CRIP3: variants seen among roughly 807,000 people sequenced by gnomAD.
The protein encoded by CRIP3 is cysteine-rich protein 3.
Under a neutral mutation model 30.3 loss-of-function variants are expected in CRIP3, and 23 were observed. The ratio of observed to expected loss-of-function variants is 0.76; its 90% confidence interval spans 0.55 to 1.08. The LOEUF is 1.08. CRIP3 is among the 50% of genes least tolerant of loss of function. The probability of loss-of-function intolerance (pLI) is 0.00; values close to 1 mark genes in which losing one functional copy is unlikely to be tolerated. For synonymous variants in CRIP3, 89 were observed against 97.6 expected (o/e 0.91, Z 0.52); for missense variants, 261 against 259.3 (o/e 1.01, Z -0.04).
At chr6:43,308,086 A>C (rs1168967224) in intron 2 of CRIP3, among the ~76,000 whole-genome samples, 190 bp from the exon 3 acceptor site, 1 of 152,142 alleles carries the variant, frequency 6.6e-6, no homozygotes, top group Non-Finnish European at 1.5e-5. Context: ...AGAGCAGCTC[A>C]GAAGGTGACG....
rs1778995188 is a variant in CRIP3, at chr6:43,308,574, C to G, written c.44-165G>C. On this transcript the variant is annotated intron_variant, in intron 1 of 7. Coordinates refer to ENST00000372569, the MANE Select transcript of CRIP3 (RefSeq NM_206922.3). ...TCCCGCTCCGGTTTCACACTCCCCA[C>G]AGAGCTCTCAGAGGAAGGGAGAAGA... The G allele has an allele frequency of 6.5e-6, 6 of 921,288 alleles. No individual in the cohort carries two copies. The Admixed American group carries it at 1.3e-4, about 20-fold the overall frequency. The allele number at this position is 921,288 out of a possible 1,614,324, so 57.1% of individuals were successfully genotyped here.
intron 5 of CRIP3, 38 bp downstream of exon 5, chr6:43,306,408 C>T: frequency 6.2e-7 from 1 of 1,610,470 alleles, no homozygotes; most frequent in Non-Finnish European, 8.5e-7. Flanking sequence ...TGCTGCCCAC[C>T]CTGTATCCCC....
intron 7 of CRIP3, 27 bp downstream of exon 7, chr6:43,306,039 TC>T (rs1269828575): frequency 3.7e-5 from 60 of 1,610,152 alleles, no homozygotes; most frequent in Non-Finnish European, 4.8e-5. Context: ...GTACATGCCA[TC>T]CCAGTGTCTG....
chr6:43,307,511 G>A, intron 4 of CRIP3, 101 bp downstream of exon 4: 1 of 1,132,370 alleles, frequency 8.8e-7, no homozygotes, highest in Non-Finnish European at 1.2e-6. Flanking sequence ...GTGAGAATGT[G>A]AAGCAGAGGG....
In CRIP3 at chr6:43,305,851, C is replaced by G; in HGVS notation, c.578G>C (p.Cys193Ser). Residue 193 changes from cysteine to serine, a missense_variant, in exon 8 of 8, where the codon TGC (cysteine) becomes TCC (serine). Cys to Ser is a moderately radical substitution (Grantham distance 112). Coordinates refer to ENST00000372569, the MANE Select transcript of CRIP3 (RefSeq NM_206922.3). The part of the protein sequence containing the change: ...PKGVNIGDVG[C>S]YIYDPVKIKF... ...TATCTTCACTGGGTCATAGATGTAG[C>G]AGCCCACATCGCCAATGTTCACACC... The G allele has an allele frequency of 6.2e-7, 1 of 1,614,148 alleles. No homozygotes were observed. Among genetic ancestry groups the G allele is most frequent in the Non-Finnish European group, 8.5e-7 (1 of 1,180,038 alleles).
Position 43,305,657 on chromosome 6 carries a change from A to G in CRIP3, c.*157T>C. On this transcript the variant is annotated 3_prime_UTR_variant, in exon 8 of 8. Coordinates refer to ENST00000372569, the MANE Select transcript of CRIP3 (RefSeq NM_206922.3). ...GGGAAAGGGAAAAAATTGGCAGAGAAAGTCTAGACTCTCTGGCCTACCATG... is the reference window on the plus strand; with the variant it reads ...GGGAAAGGGAAAAAATTGGCAGAGAGAGTCTAGACTCTCTGGCCTACCATG... The G allele has an allele frequency of 1.1e-6, 1 of 895,482 alleles. No homozygotes were observed. The highest frequency in any genetic ancestry group is 1.8e-6 in the Non-Finnish European group (1 of 571,138). 55.5% of individuals were successfully genotyped at this position (895,482 alleles called of 1,614,324 possible).
chr6:43,305,625 T>C lies in CRIP3; in HGVS notation c.*189A>G, dbSNP rs1778908418. ...CAAAACGGGCTGTTCCCTAACCAGA[T>C]AGAAATGGGAAAGGGAAAAAATTGG... On this transcript the variant is annotated 3_prime_UTR_variant, in exon 8 of 8. Coordinates refer to ENST00000372569, the MANE Select transcript of CRIP3 (RefSeq NM_206922.3). 1.4e-6 allele frequency: 1 copy of C among 703,572 alleles called. No individual in the cohort carries two copies. The highest frequency in any genetic ancestry group is 2.4e-6 in the Non-Finnish European group (1 of 414,018). 43.6% of individuals were successfully genotyped at this position (703,572 alleles called of 1,614,324 possible).
intron 1 of CRIP3, 30 bp from the exon 2 acceptor site, chr6:43,308,439 G>C: frequency 6.3e-7 from 1 of 1,590,992 alleles, no homozygotes; most frequent in Non-Finnish European, 8.6e-7. Context: ...ACCGAGCTGC[G>C]AGGAGCCTGT....
Position 43,307,554 on chromosome 6 carries a change from C to T in CRIP3, c.328+58G>A, listed in dbSNP as rs144504876. ...GGAGACTGCCACCTGGCCCAACCTC[C>T]GCTCCAGCTTGGGGAAGGGTCGGGA... On this transcript the variant is annotated intron_variant, in intron 4 of 7. Coordinates refer to ENST00000372569, the MANE Select transcript of CRIP3 (RefSeq NM_206922.3). The T allele has an allele frequency of 4.3e-4, 587 of 1,376,616 alleles. 2 individuals are homozygous for T. The African/African-American group carries it at 7.2e-3, about 17-fold the overall frequency. The allele number at this position is 1,376,616 out of a possible 1,614,324, so 85.3% of individuals were successfully genotyped here. A position where few individuals can be genotyped will look rare whatever the true frequency, so the allele number is the denominator to read the frequency against.
chr6:43,308,488 A>G, intron 1 of CRIP3, 79 bp from the exon 2 acceptor site: 1 of 1,310,552 alleles, frequency 7.6e-7, no homozygotes, highest in Non-Finnish European at 1.1e-6. Context: ...TCGGCCCTCT[A>G]GGGAATTAGG....
chr6:43,305,948 G>A (rs778752973), intron 7 of CRIP3, 73 bp from the exon 8 acceptor site: 3 of 1,610,900 alleles, frequency 1.9e-6, no homozygotes, highest in Admixed American at 3.4e-5. Flanking sequence ...GGAACTTGGT[G>A]GGGGGGCCAG....
At position 43,306,237 on chromosome 6, in the gene CRIP3, A is replaced by G; in HGVS notation, c.477T>C (p.Thr159=). 1 of 1,614,160 alleles carries G rather than the reference A, an allele frequency of 6.2e-7. No individual in the cohort carries two copies. Among genetic ancestry groups the G allele is most frequent in the Non-Finnish European group, 8.5e-7 (1 of 1,180,024 alleles). ...TGCTCACCTCAGCATGACTCCCAGC[A>G]GTCAGGGTCTTGTGGCAACGCTGGC... ...LRCQRCHKTL[T]AGSHAEHDGV... The change falls in exon 6 of 8, where the codon ACT becomes ACC. Residue 159 remains threonine, a synonymous_variant. Coordinates refer to ENST00000372569, the MANE Select transcript of CRIP3 (RefSeq NM_206922.3).
At position 43,306,126 on chromosome 6, in the gene CRIP3, T is replaced by A; in HGVS notation, c.496-2A>T. ...GTGGCAGTAGGGGACTCCATCATGCTGAGACACAGAGAGAAAGAGAGCTGT... is the reference window on the plus strand; with the variant it reads ...GTGGCAGTAGGGGACTCCATCATGCAGAGACACAGAGAGAAAGAGAGCTGT... On this transcript the variant is annotated splice_acceptor_variant, in intron 6 of 7. Coordinates refer to ENST00000372569, the MANE Select transcript of CRIP3 (RefSeq NM_206922.3). LOFTEE classifies it high-confidence loss of function. 1 of 1,613,980 alleles carries A rather than the reference T, an allele frequency of 6.2e-7. No homozygotes were observed. Among genetic ancestry groups the A allele is most frequent in the South Asian group, 1.1e-5 (1 of 91,080 alleles).
intron 7 of CRIP3, 21 bp downstream of exon 7, chr6:43,306,046 G>A (rs368241763): frequency 6.2e-7 from 1 of 1,610,598 alleles, no homozygotes; most frequent in Non-Finnish European, 8.5e-7. Flanking sequence ...CCATCCCAGT[G>A]TCTGGGATGG....
intron 1 of CRIP3, 22 bp downstream of exon 1, chr6:43,308,728 C>A (rs888008920): frequency 2.5e-6 from 4 of 1,613,872 alleles, no homozygotes; most frequent in Non-Finnish European, 3.4e-6. Context: ...CATCTTCTCC[C>A]CCTCCGCAGC....
In CRIP3 at chr6:43,308,764, T is replaced by C. The variant is rs1779000089; in HGVS notation, c.29A>G (p.Gln10Arg). MSWTCPRCQ[Q>R]PVFFAEKVSS... Reference sequence around the variant, plus strand: ...CCGGGCCTCACCGAAGAAAACAGGTTGCTGGCAACGCGGACAGGTCCAGCT... The same window carrying C: ...CCGGGCCTCACCGAAGAAAACAGGTCGCTGGCAACGCGGACAGGTCCAGCT... The change falls in exon 1 of 8, where the codon CAA (glutamine) becomes CGA (arginine). Residue 10 changes from glutamine (Q) to arginine (R), a missense_variant. Gln to Arg is a conservative substitution (Grantham distance 43, BLOSUM62 1). Coordinates refer to ENST00000372569, the MANE Select transcript of CRIP3 (RefSeq NM_206922.3). 1 of 1,613,604 alleles carries C rather than the reference T, an allele frequency of 6.2e-7. No individual in the cohort carries two copies. The highest frequency in any genetic ancestry group is 1.3e-5 in the African/African-American group (1 of 74,810).
rs1778909061 is a variant in CRIP3 at position 43,305,649 on chromosome 6, G to A, written c.*165C>T. The A allele has an allele frequency of 3.6e-6, 3 of 828,540 alleles. No individual in the cohort carries two copies. Among genetic ancestry groups the A allele is most frequent in the Non-Finnish European group, 5.8e-6 (3 of 515,678 alleles). 51.3% of individuals were successfully genotyped at this position (828,540 alleles called of 1,614,324 possible). On this transcript the variant is annotated 3_prime_UTR_variant, in exon 8 of 8. Coordinates refer to ENST00000372569, the MANE Select transcript of CRIP3 (RefSeq NM_206922.3). The stretch of plus-strand genomic sequence containing the variant: ...ATAGAAATGGGAAAGGGAAAAAATT[G>A]GCAGAGAAAGTCTAGACTCTCTGGC...
At chr6:43,307,920 G>A (rs1778981493) in intron 2 of CRIP3, 24 bp from the exon 3 acceptor site, 7 of 1,612,768 alleles carry the variant, frequency 4.3e-6, no homozygotes, top group Non-Finnish European at 4.2e-6. Flanking sequence ...GAGGGAAGTG[G>A]GTTACTCAAG....
At chr6:43,308,261 G>C in intron 2 of CRIP3, 54 bp downstream of exon 2, 1 of 1,437,836 alleles carries the variant, frequency 7.0e-7, no homozygotes, top group Non-Finnish European at 9.6e-7. Context: ...GCTGGTGCCT[G>C]GGGGGTGGGA....
Sources: gnomAD v4.1 joint callset for allele counts (sites outside exome capture counted in the v4.1 genomes callset) on GRCh38, gnomAD v4.1.1 for gene constraint, MANE v1.5 for transcripts, NCBI Gene and HGNC (gene_info 2026-07-23, HGNC 2026-07-21) for gene names.